Variants in LAMA1 observed in about 807,000 individuals in gnomAD.
LAMA1 encodes laminin subunit alpha-1.
In LAMA1, 219 loss-of-function variants were observed where a neutral mutation model predicts 348.7. The observed-to-expected ratio is 0.63, with a 90% confidence interval of 0.56 to 0.70. LAMA1 has a LOEUF of 0.70. Ranked by LOEUF, LAMA1 falls within the 30% of genes least tolerant of loss-of-function variation. The pLI is 0.00. For synonymous variants in LAMA1, 1,487 were observed against 1,491.0 expected, an observed-to-expected ratio of 1.00 and a Z score of 0.06; for missense variants, 3,744 against 3,888.0, an observed-to-expected ratio of 0.96 and a Z score of 0.99.
intron 56 of LAMA1, chr18:6,956,285 A>C: frequency 2.7e-6 from 1 of 376,694 alleles, no homozygotes. Context: ...TTAAAGCAAC[A>C]AATATGTGCA....
In LAMA1 at chr18:7,013,809, A is replaced by G. The variant is rs1384484243; in HGVS notation, c.3363+6T>C. On this transcript the variant is annotated splice_donor_region_variant and intron_variant, in intron 23 of 62. Transcript: ENST00000389658. ...AGGATGAAAGAGGAGGATGGATGGTAAATACCTTGCAAGGGCAGGCCCCGG... is the reference window on the plus strand; with the variant it reads ...AGGATGAAAGAGGAGGATGGATGGTGAATACCTTGCAAGGGCAGGCCCCGG... 2 of 1,610,494 alleles carry G rather than the reference A, an allele frequency of 1.2e-6. No individual in the cohort carries two copies. Among genetic ancestry groups the G allele is most frequent in the Non-Finnish European group, 1.7e-6 (2 of 1,178,206 alleles).
At position 7,044,729 on chromosome 18, in the gene LAMA1, T is replaced by G; in HGVS notation, c.969A>C (p.Thr323=). 1 of 1,613,090 alleles carries G rather than the reference T, an allele frequency of 6.2e-7. No homozygotes were observed. The change falls in exon 7 of 63, where the codon ACA becomes ACC. Residue 323 remains threonine (T), a synonymous_variant. Transcript: ENST00000389658. ...WRPGTVSSGN[T]CEACNCHNKA... ...GATTCTAAGTATACTGACCTTCACA[T>G]GTATTGCCGGAGGACACGGTTCCCG...
In LAMA1 at chr18:7,080,318, C is replaced by T; in HGVS notation, c.201G>A (p.Arg67=). 6.2e-7 allele frequency: 1 copy of T among 1,614,240 alleles called. No individual in the cohort carries two copies. The highest frequency in any genetic ancestry group is 1.7e-5 in the Admixed American group (1 of 60,028). ...GGTTTGCGCTGTTGCCATCACAGATCCGGCACTGTGGGTTTCGGACGGGCC... is the reference window on the plus strand; with the variant it reads ...GGTTTGCGCTGTTGCCATCACAGATTCGGCACTGTGGGTTTCGGACGGGCC... ...PGRPVRNPQC[R]ICDGNSANPR... The change falls in exon 2 of 63, where the codon CGG becomes CGA. Residue 67 remains arginine (R), a synonymous_variant. Transcript: ENST00000389658.
At chr18:7,013,085 C>T (rs1258249431) in intron 23 of LAMA1, among the ~76,000 whole-genome samples, 1 of 151,810 alleles carries the variant, frequency 6.6e-6, no homozygotes, top group African/African-American at 2.4e-5. Context: ...TGCTTGAACC[C>T]GGGAGGCGGA....
Position 7,002,375 on chromosome 18 carries a change from T to C in LAMA1, c.4271A>G (p.Asp1424Gly), listed in dbSNP as rs1264467400. 4 of 1,613,436 alleles carry C rather than the reference T, an allele frequency of 2.5e-6. No homozygotes were observed. The African/African-American group carries it at 4.0e-5, about 16-fold the overall frequency. ...PNTGKCLNCG[D>G]NTAGDHCDVC... Reference sequence around the variant, plus strand: ...ATCACAATGGTCACCTGCTGTGTTATCGCCACAGTTCTGGGAGCCCACATT... The same window carrying C: ...ATCACAATGGTCACCTGCTGTGTTACCGCCACAGTTCTGGGAGCCCACATT... The change falls in exon 30 of 63, where the codon GAT becomes GGT. Residue 1424 changes from aspartate (D) to glycine (G), a missense_variant. Physicochemically the swap from Asp to Gly is moderately conservative, Grantham distance 94. Around this residue, in one of 3 missense-constraint regions of LAMA1, gnomAD observed 1,983 missense variants for 1,934.3 expected, o/e 1.03. Coordinates refer to ENST00000389658, the MANE Select transcript of LAMA1 (RefSeq NM_005559.4).
chr18:6,943,482 T>C, intron 61 of LAMA1, 80 bp from the exon 62 acceptor site: 2 of 1,161,344 alleles, frequency 1.7e-6, no homozygotes, highest in Non-Finnish European at 2.6e-6. Flanking sequence ...GTAGATAAAA[T>C]TGCAGCATTA....
chr18:6,981,783 G>A (rs1177935299), intron 41 of LAMA1, among the ~76,000 whole-genome samples: 1 of 152,162 alleles, frequency 6.6e-6, no homozygotes. Context: ...TATGAGCTGT[G>A]TGCCTGGCCC....
intron 56 of LAMA1, chr18:6,955,926 A>C: frequency 3.0e-6 from 1 of 329,742 alleles, no homozygotes; most frequent in Non-Finnish European, 5.9e-6. Context: ...GTCCACACTG[A>C]CAGGGCAGGA....
intron 26 of LAMA1, 85 bp from the exon 27 acceptor site, chr18:7,009,451 A>C: frequency 6.9e-7 from 1 of 1,456,088 alleles, no homozygotes; most frequent in Non-Finnish European, 9.4e-7. Context: ...TTCTTTTATA[A>C]ATTTCTCCAG....
intron 1 of LAMA1, among the ~76,000 whole-genome samples, chr18:7,106,184 T>G (rs1249373850): frequency 6.6e-6 from 1 of 152,164 alleles, no homozygotes; most frequent in Non-Finnish European, 1.5e-5. Context: ...CACTAGTCTG[T>G]GGGCTGCGGT....
At chr18:7,010,494 T>A (rs1600391334) in intron 25 of LAMA1, 109 bp from the exon 26 acceptor site, 1 of 1,025,748 alleles carries the variant, frequency 9.7e-7, no homozygotes, top group East Asian at 2.5e-5. Flanking sequence ...TAAAAATACA[T>A]CACATGGGTG....
chr18:7,035,870 A>G (rs775297135), intron 13 of LAMA1, 117 bp downstream of exon 13: 1 of 798,222 alleles, frequency 1.3e-6, no homozygotes. Flanking sequence ...GGTCTACTGA[A>G]TGGCCACCTG....
chr18:7,038,992 T>C, intron 10 of LAMA1, 42 bp from the exon 11 acceptor site: 3 of 1,527,364 alleles, frequency 2.0e-6, no homozygotes, highest in Non-Finnish European at 2.7e-6. Context: ...AACCAATGTG[T>C]CTGTCCAGAG....
In LAMA1 at chr18:6,955,692, C is replaced by T. The variant is rs968489225; in HGVS notation, c.8095-227G>A. ...GCTTCTGTCTGTCACCTTAATCCCA[C>T]TCGGCTTCACTGAAATTCATAAGGA... On this transcript the variant is annotated intron_variant, in intron 56 of 62. Coordinates refer to ENST00000389658, the MANE Select transcript of LAMA1 (RefSeq NM_005559.4). 1.4e-5 allele frequency: 9 copies of T among 635,590 alleles called. No individual in the cohort carries two copies. The Admixed American group carries it at 1.9e-4, about 14-fold the overall frequency. The allele number at this position is 635,590 out of a possible 1,614,324, so 39.4% of individuals were successfully genotyped here. A position where few individuals can be genotyped will look rare whatever the true frequency, so the allele number is the denominator to read the frequency against.
At chr18:7,002,447 C>T in intron 29 of LAMA1, 62 bp from the exon 30 acceptor site, 2 of 1,566,580 alleles carry the variant, frequency 1.3e-6, no homozygotes, top group Non-Finnish European at 1.7e-6. Context: ...TCATTCTTAT[C>T]TGGTAATAGC....
intron 48 of LAMA1, among the ~76,000 whole-genome samples, chr18:6,971,499 G>C (rs1055260630): frequency 1.3e-5 from 2 of 152,148 alleles, no homozygotes; most frequent in African/African-American, 2.4e-5. Flanking sequence ...TGTCTGAAAC[G>C]TTTAGGGTTT....
At chr18:7,117,426 G>A (rs1229695030) in intron 1 of LAMA1, among the ~76,000 whole-genome samples, 2 of 152,138 alleles carry the variant, frequency 1.3e-5, no homozygotes, top group Non-Finnish European at 2.9e-5. Flanking sequence ...CCCAAAGCCC[G>A]AGGAGGTTAA....
At chr18:6,945,793 T>A (rs1333306240) in intron 61 of LAMA1, among the ~76,000 whole-genome samples, 1 of 152,014 alleles carries the variant, frequency 6.6e-6, no homozygotes, top group Non-Finnish European at 1.5e-5. Context: ...GCAGCCCCCA[T>A]GCAGGGGCAA....
intron 1 of LAMA1, among the ~76,000 whole-genome samples, chr18:7,111,523 G>C (rs2058335865): frequency 6.6e-6 from 1 of 152,146 alleles, no homozygotes; most frequent in Non-Finnish European, 1.5e-5. Context: ...CCAGTATAAA[G>C]GACATGAAAA....
Sources: gnomAD v4.1 joint callset for allele counts (sites outside exome capture counted in the v4.1 genomes callset) on GRCh38, gnomAD v4.1.1 for gene constraint, gnomAD v4.1.1 regional missense constraint, MANE v1.5 for transcripts, NCBI Gene and HGNC (gene_info 2026-07-23, HGNC 2026-07-21) for gene names.